CHPF2: variants seen among roughly 807,000 people sequenced by gnomAD.
CHPF2 encodes chondroitin polymerizing factor 2, non-catalytic subunit.
Under a neutral mutation model 63.0 loss-of-function variants are expected in CHPF2, and 58 were observed. That is an observed-to-expected ratio of 0.92 (90% CI 0.75 to 1.15). CHPF2 has a LOEUF of 1.15. CHPF2 is among the 50% of genes most tolerant of loss of function. The pLI, the probability that CHPF2 is intolerant of heterozygous loss-of-function variation, is 0.00. For synonymous variants in CHPF2, 442 were observed against 438.0 expected, an observed-to-expected ratio of 1.01 and a Z score of -0.11; for missense variants, 1,045 against 1,035.4, an observed-to-expected ratio of 1.01 and a Z score of -0.13.
chr7:151,234,956 C>T, intron 1 of CHPF2, 92 bp from the exon 2 acceptor site: 1 of 1,010,588 alleles, frequency 9.9e-7, no homozygotes, highest in Non-Finnish European at 1.5e-6. Flanking sequence ...CTTCTCAGCC[C>T]CAACTCACTC....
rs1297796544 is a variant in CHPF2 at position 151,237,980 on chromosome 7, G to C, written c.1618G>C (p.Asp540His). ...ACGAGAAGGTGGCCGTGGAGCTCCA[G>C]ACCCATTTCTTGGGGTGAAGGCTGC... ...GPREGGRGAPDPFLGVKAAAA... is the reference protein window; with the variant it reads ...GPREGGRGAPHPFLGVKAAAA... The change falls in exon 4 of 4, where the codon GAC (aspartate) becomes CAC (histidine). Residue 540 changes from aspartate (D) to histidine (H), a missense_variant. By Grantham distance (81) the Asp-to-His change is moderately conservative. Coordinates refer to ENST00000035307, the MANE Select transcript of CHPF2 (RefSeq NM_019015.3). 4 of 1,613,092 alleles carry C rather than the reference G, an allele frequency of 2.5e-6. No individual in the cohort carries two copies. In the Admixed American group the frequency reaches 6.7e-5, roughly 27 times the overall value.
At position 151,232,848 on chromosome 7, in the gene CHPF2, AC is replaced by A. The variant is rs929120056; in HGVS notation, c.-1160del. The A allele has an allele frequency of 2.7e-5, 39 of 1,436,714 alleles. No individual in the cohort carries two copies. The African/African-American group carries it at 4.9e-4, about 18-fold the overall frequency. 89.0% of individuals were successfully genotyped at this position (1,436,714 alleles called of 1,614,324 possible). On this transcript the variant is annotated 5_prime_UTR_variant, in exon 1 of 4. It removes the in-frame stop codon of an upstream open reading frame in the 5' UTR. Coordinates refer to ENST00000035307, the MANE Select transcript of CHPF2 (RefSeq NM_019015.3). ...CCCAGTCTCCCAGCCGCGACCTCCG[AC>A]CCCGCCTCGCAGAACGACCCGAGCT... is the stretch of plus-strand genomic sequence containing the variant.
chr7:151,233,898 T>C lies in CHPF2; in HGVS notation c.-114T>C, dbSNP rs1205645006. 14 of 1,362,282 alleles carry C rather than the reference T, an allele frequency of 1.0e-5. No individual in the cohort carries two copies. The highest frequency in any genetic ancestry group is 5.5e-5 in the East Asian group (2 of 36,496). The allele number at this position is 1,362,282 out of a possible 1,614,324, so 84.4% of individuals were successfully genotyped here. A position where few individuals can be genotyped will look rare whatever the true frequency, so the allele number is the denominator to read the frequency against. Reference sequence around the variant, plus strand: ...GGGCCTCGCTCTGTCTTTGGCCTCATTGACCCCAGGTTCTCTGGTTAAAAC... The same window carrying C: ...GGGCCTCGCTCTGTCTTTGGCCTCACTGACCCCAGGTTCTCTGGTTAAAAC... On this transcript the variant is annotated 5_prime_UTR_variant, in exon 1 of 4. Transcript: ENST00000035307.
At position 151,233,505 on chromosome 7, in the gene CHPF2, C is replaced by T; in HGVS notation, c.-507C>T. 1 of 985,900 alleles carries T rather than the reference C, an allele frequency of 1.0e-6. No homozygotes were observed. Among genetic ancestry groups the T allele is most frequent in the Non-Finnish European group, 1.2e-6 (1 of 830,282 alleles). The allele number at this position is 985,900 out of a possible 1,614,324, so 61.1% of individuals were successfully genotyped here. On this transcript the variant is annotated 5_prime_UTR_variant, in exon 1 of 4. Transcript: ENST00000035307. ...TCAGTAGCCCGCCTGAGGACCGATG[C>T]CAGAGGCAGGCATTCTTCCGGAAAG...
intron 3 of CHPF2, chr7:151,237,146 A>C (rs1802685008): frequency 3.2e-6 from 2 of 623,644 alleles, no homozygotes; most frequent in African/African-American, 3.7e-5. Flanking sequence ...CACATTTTCC[A>C]CCTCCTTCTC....
intron 3 of CHPF2, 72 bp from the exon 4 acceptor site, chr7:151,237,302 G>C: frequency 6.4e-6 from 8 of 1,241,916 alleles, no homozygotes; most frequent in Non-Finnish European, 9.0e-6. Context: ...TTGAATCTCA[G>C]AGCCCAGGCA....
At chr7:151,234,678 A>G (rs112390508) in intron 1 of CHPF2, among the ~76,000 whole-genome samples, 77 of 152,218 alleles carry the variant, frequency 5.1e-4, no homozygotes, top group African/African-American at 1.8e-3. Flanking sequence ...TTTAGTAGAC[A>G]TGAGGTTTCT....
In CHPF2 at chr7:151,238,329, G is replaced by T. The variant is rs559445545; in HGVS notation, c.1967G>T (p.Arg656Leu). 2 of 1,609,040 alleles carry T rather than the reference G, an allele frequency of 1.2e-6. No individual in the cohort carries two copies. The highest frequency in any genetic ancestry group is 1.3e-5 in the African/African-American group (1 of 74,792). Residue 656 changes from arginine (R) to leucine (L), a missense_variant, in exon 4 of 4, where the codon CGG becomes CTG. Transcript: ENST00000035307. ...PPSPPGADPSRGAPIGGRFDR... is the reference protein window; with the variant it reads ...PPSPPGADPSLGAPIGGRFDR... The stretch of plus-strand genomic sequence containing the variant: ...TCCCCTCCTGGTGCTGACCCCTCCC[G>T]GGGGGCTCCTATAGGGGGGAGATTT...
intron 2 of CHPF2, among the ~76,000 whole-genome samples, chr7:151,236,082 A>AC (rs1341044859): frequency 2.0e-5 from 3 of 152,248 alleles, no homozygotes; most frequent in Non-Finnish European, 4.4e-5. Flanking sequence ...CCCTTGAAGA[A>AC]CAATGGGAAT....
chr7:151,235,743 C>G (rs917742982), intron 2 of CHPF2, 131 bp downstream of exon 2: 2 of 864,564 alleles, frequency 2.3e-6, no homozygotes, highest in Non-Finnish European at 3.5e-6. Flanking sequence ...GTGGGCCCTC[C>G]GTTGCTCACC....
rs150397822 is a variant in CHPF2 at position 151,234,221 on chromosome 7, C to G, written c.210C>G (p.Pro70=). The G allele has an allele frequency of 3.4e-5, 55 of 1,611,718 alleles. No individual in the cohort carries two copies. The African/African-American group carries it at 7.3e-4, about 21-fold the overall frequency. Residue 70 remains proline, a synonymous_variant, in exon 1 of 4, where the codon CCC becomes CCG. Transcript: ENST00000035307. ...RLDQSDEDFK[P]RIVPYYRDPN... Reference sequence around the variant, plus strand: ...ACCAAAGTGATGAAGACTTCAAACCCCGGATTGTCCCCTACTACAGGGACC... The same window carrying G: ...ACCAAAGTGATGAAGACTTCAAACCGCGGATTGTCCCCTACTACAGGGACC...
chr7:151,235,163 C>G lies in CHPF2; in HGVS notation c.379C>G (p.His127Asp), dbSNP rs1201045724. ...GGCTGTGAACCGTACGGTGGCCCAT[C>G]ACTTCCCTCGGTTACTCTACTTCAC... ...AVAVNRTVAH[H>D]FPRLLYFTGQ... The change falls in exon 2 of 4, where the codon CAC (histidine) becomes GAC (aspartate). Residue 127 changes from histidine to aspartate, a missense_variant. His to Asp is a moderately conservative substitution (Grantham distance 81). Coordinates refer to ENST00000035307, the MANE Select transcript of CHPF2 (RefSeq NM_019015.3). The G allele has an allele frequency of 2.5e-6, 4 of 1,613,396 alleles. No homozygotes were observed. The African/African-American group carries it at 5.3e-5, about 21-fold the overall frequency.
intron 2 of CHPF2, among the ~76,000 whole-genome samples, chr7:151,235,962 C>A (rs577106222): frequency 6.6e-5 from 10 of 152,304 alleles, no homozygotes; most frequent in African/African-American, 2.2e-4. Flanking sequence ...ACTTTTCCAG[C>A]CCAGAGAGCT....
Position 151,232,982 on chromosome 7 carries a change from G to C in CHPF2, c.-1030G>C. ...GGGTCTTCGTTCTAGGGCTAGACTTGGTCTCTGATCGCCGAGAGGTAGCGC... is the reference window on the plus strand; with the variant it reads ...GGGTCTTCGTTCTAGGGCTAGACTTCGTCTCTGATCGCCGAGAGGTAGCGC... On this transcript the variant is annotated 5_prime_UTR_variant, in exon 1 of 4. Transcript: ENST00000035307. 7.7e-7 allele frequency: 1 copy of C among 1,291,836 alleles called. No homozygotes were observed. The highest frequency in any genetic ancestry group is 9.8e-7 in the Non-Finnish European group (1 of 1,019,224). The allele number at this position is 1,291,836 out of a possible 1,614,324, so 80.0% of individuals were successfully genotyped here.
In CHPF2 at chr7:151,233,560, G is replaced by A. The variant is rs1318458718; in HGVS notation, c.-452G>A. On this transcript the variant is annotated 5_prime_UTR_variant, in exon 1 of 4. Coordinates refer to ENST00000035307, the MANE Select transcript of CHPF2 (RefSeq NM_019015.3). ...ACTGAGGCAGGCTCCGGCTCCTCTG[G>A]TTGGGGCTGTTGTTTTGATGGATCG... The A allele has an allele frequency of 1.0e-6, 1 of 986,730 alleles. No homozygotes were observed. The highest frequency in any genetic ancestry group is 1.2e-6 in the Non-Finnish European group (1 of 830,952). 61.1% of individuals were successfully genotyped at this position (986,730 alleles called of 1,614,324 possible). A position where few individuals can be genotyped will look rare whatever the true frequency, so the allele number is the denominator to read the frequency against.
chr7:151,234,282 C>A lies in CHPF2; in HGVS notation c.263+8C>A. 6.4e-7 allele frequency: 1 copy of A among 1,561,744 alleles called. No homozygotes were observed. The highest frequency in any genetic ancestry group is 8.7e-7 in the Non-Finnish European group (1 of 1,153,870). On this transcript the variant is annotated splice_region_variant and intron_variant, in intron 1 of 3. Transcript: ENST00000035307. ...CTACAAGAAGGTGCTCAGGTGAGAG[C>A]AACATGTGTGCATAGTCCCCAGACA...
rs139831103 is a variant in CHPF2, at chr7:151,238,025, C to A, written c.1663C>A (p.Arg555=). ...VKAAAAELER[R]YPGTRLAWLA... ...GGCTGCAGCAGCGGAGTTAGAGCGA[C>A]GGTACCCTGGGACGAGGCTGGCCTG... Residue 555 remains arginine (R), a synonymous_variant, in exon 4 of 4, where the codon CGG becomes AGG. Transcript: ENST00000035307. 6.2e-7 allele frequency: 1 copy of A among 1,612,976 alleles called. No individual in the cohort carries two copies. The highest frequency in any genetic ancestry group is 2.2e-5 in the East Asian group (1 of 44,876).
rs749665853 is a variant in CHPF2 at position 151,238,345 on chromosome 7, G to A, written c.1983G>A (p.Gly661=). The change falls in exon 4 of 4, where the codon GGG becomes GGA. Residue 661 remains glycine, a synonymous_variant. Coordinates refer to ENST00000035307, the MANE Select transcript of CHPF2 (RefSeq NM_019015.3). ...GADPSRGAPI[G]GRFDRQASAE... ...ACCCCTCCCGGGGGGCTCCTATAGG[G>A]GGGAGATTTGACCGGCAGGCTTCTG... The A allele has an allele frequency of 6.2e-6, 10 of 1,609,558 alleles. No individual in the cohort carries two copies. The highest frequency in any genetic ancestry group is 3.3e-5 in the Admixed American group (2 of 59,796).
intron 3 of CHPF2, 140 bp downstream of exon 3, chr7:151,236,730 C>T (rs139784502): frequency 1.4e-5 from 11 of 779,764 alleles, no homozygotes; most frequent in South Asian, 7.7e-5. Flanking sequence ...AGGAAGAGGC[C>T]GACCATACTT....
Sources: gnomAD v4.1 joint callset for allele counts (sites outside exome capture counted in the v4.1 genomes callset) on GRCh38, gnomAD v4.1.1 for gene constraint, MANE v1.5 for transcripts, NCBI Gene and HGNC (gene_info 2026-07-23, HGNC 2026-07-21) for gene names.